IGSF3: variants seen among roughly 807,000 people sequenced by gnomAD.
The protein encoded by IGSF3 is immunoglobulin superfamily member 3.
Under a neutral mutation model 114.4 loss-of-function variants are expected in IGSF3, and 23 were observed. That is an observed-to-expected ratio of 0.20 (90% CI 0.14 to 0.28). The LOEUF (loss-of-function observed/expected upper bound fraction) is 0.28, where lower values mean the gene tolerates loss of function less well. Among genes scored for constraint, IGSF3 ranks in the 10% least tolerant of loss-of-function variants. The pLI is 1.00. For synonymous variants in IGSF3, 571 were observed against 645.2 expected, an observed-to-expected ratio of 0.88 and a Z score of 1.74; for missense variants, 1,172 against 1,591.5, an observed-to-expected ratio of 0.74 and a Z score of 4.48.
intron 2 of IGSF3, among the ~76,000 whole-genome samples, chr1:116,631,136 G>C (rs1647555282): frequency 6.6e-6 from 1 of 151,834 alleles, no homozygotes; most frequent in Non-Finnish European, 1.5e-5. Flanking sequence ...GGCTAACACA[G>C]TGAAACCCCG....
In IGSF3 at chr1:116,579,773, G is replaced by A. The variant is rs374372632; in HGVS notation, c.2953C>T (p.Arg985Cys). ...AGGGAATACCAGGCCACAGCGAAGC[G>A]GGAGTCCTGGCTGGAGCGGGACACG... ...SIVSRSSQDS[R>C]FAVAWYSLRT... is the part of the protein sequence containing the mutation. Residue 985 changes from arginine (R) to cysteine (C), a missense_variant, in exon 10 of 11, where the codon CGC becomes TGC. Coordinates refer to ENST00000369486, the MANE Select transcript of IGSF3 (RefSeq NM_001007237.3). This position sits in a 1 kb window ranked among gnomAD's most constrained non-coding sequence, Gnocchi z 6.4. 49 of 1,613,882 alleles carry A rather than the reference G, an allele frequency of 3.0e-5. No individual in the cohort carries two copies. Among genetic ancestry groups the A allele is most frequent in the South Asian group, 2.9e-4 (26 of 91,080 alleles).
chr1:116,645,217 C>A (rs889634754), intron 2 of IGSF3, among the ~76,000 whole-genome samples: 4 of 152,252 alleles, frequency 2.6e-5, no homozygotes, highest in African/African-American at 9.6e-5. Context: ...ATGGAGGGAT[C>A]TCAAAAGCAC....
At chr1:116,609,058 CT>C (rs1221052656) in intron 4 of IGSF3, among the ~76,000 whole-genome samples, 1 of 151,792 alleles carries the variant, frequency 6.6e-6, no homozygotes, top group Non-Finnish European at 1.5e-5. Flanking sequence ...AAAGTACCTA[CT>C]TTAGTGGGAA....
In IGSF3 at chr1:116,633,270, A is replaced by C. The variant is rs1647676047; in HGVS notation, c.44-16813T>G. On this transcript the variant is annotated intron_variant, in intron 2 of 10. Coordinates refer to ENST00000369486, the MANE Select transcript of IGSF3 (RefSeq NM_001007237.3). This position sits in a 1 kb window ranked among gnomAD's most constrained non-coding sequence, Gnocchi z 4.3. ...GCACTTCCCACCTCCTGCTCTGGGA[A>C]ATCAGATCTCAGTAGGTCATCAACC... is the stretch of plus-strand genomic sequence containing the variant. Among the ~76,000 whole-genome samples the C allele has an allele frequency of 2.0e-5, 3 of 152,310 alleles. No individual in the cohort carries two copies. The South Asian group carries it at 6.2e-4, about 32-fold the overall frequency.
Position 116,656,293 on chromosome 1 carries a change from CTTTTTTTT to C in IGSF3, c.43+9983_43+9990del, listed in dbSNP as rs56148691. On this transcript the variant is annotated intron_variant, in intron 2 of 10. Coordinates refer to ENST00000369486, the MANE Select transcript of IGSF3 (RefSeq NM_001007237.3). ...ACTTTCACATTTTACTTTCTACATT[CTTTTTTTT>C]TTTTTTTTTTTTTTTTTTTGACGGA... Among the ~76,000 whole-genome samples, 28 of 62,478 alleles carry C rather than the reference CTTTTTTTT, an allele frequency of 4.5e-4. No homozygotes were observed. In the South Asian group the frequency reaches 0.012, roughly 26 times the overall value. The allele number at this position is 62,478 out of a possible 152,430, so 41.0% of individuals were successfully genotyped here.
At chr1:116,639,739 G>T (rs1396349526) in intron 2 of IGSF3, among the ~76,000 whole-genome samples, 2 of 152,178 alleles carry the variant, frequency 1.3e-5, no homozygotes, top group African/African-American at 4.8e-5. Flanking sequence ...TTAAGTTAAA[G>T]GAGCTCCATG....
chr1:116,667,426 C>A (rs1386666569), intron 1 of IGSF3, among the ~76,000 whole-genome samples, 192 bp downstream of exon 1: 2 of 152,260 alleles, frequency 1.3e-5, no homozygotes, highest in East Asian at 1.9e-4. Context: ...GAGTCCGGAG[C>A]TCCGCTTTCA....
chr1:116,592,537 T>G lies in IGSF3; in HGVS notation c.2030-3433A>C, dbSNP rs558906948. ...GTATGGTAGGAGAGGCTGTTGTGTT[T>G]GTTACAGGCCAGGATAGGGTGGTTT... On this transcript the variant is annotated intron_variant, in intron 7 of 10. Coordinates refer to ENST00000369486, the MANE Select transcript of IGSF3 (RefSeq NM_001007237.3). The surrounding 1 kb of genome is among the most constrained non-coding windows in gnomAD (Gnocchi z 4.5). Among the ~76,000 whole-genome samples, 29 of 152,302 alleles carry G rather than the reference T, an allele frequency of 1.9e-4. 1 individual carries two copies. The East Asian group carries it at 4.3e-3, about 22-fold the overall frequency.
rs1647676047 is a variant in IGSF3 at position 116,633,270 on chromosome 1, A to G, written c.44-16813T>C. ...GCACTTCCCACCTCCTGCTCTGGGA[A>G]ATCAGATCTCAGTAGGTCATCAACC... On this transcript the variant is annotated intron_variant, in intron 2 of 10. Transcript: ENST00000369486. This position sits in a 1 kb window ranked among gnomAD's most constrained non-coding sequence, Gnocchi z 4.3. 6.6e-6 allele frequency among the ~76,000 whole-genome samples: 1 copy of G among 152,192 alleles called. No individual in the cohort carries two copies. Among genetic ancestry groups the G allele is most frequent in the Non-Finnish European group, 1.5e-5 (1 of 68,030 alleles).
At chr1:116,580,423 T>C (rs933872200) in intron 9 of IGSF3, among the ~76,000 whole-genome samples, 1 of 152,196 alleles carries the variant, frequency 6.6e-6, no homozygotes, top group African/African-American at 2.4e-5. Context: ...GCTGAATTCA[T>C]AACCCACGAT....
rs1340182735 is a variant in IGSF3, at chr1:116,613,767, G to C, written c.830C>G (p.Thr277Ser). Reference protein sequence around the residue: ...SEGAVVNVQPTDKEFTVRLET... With the variant: ...SEGAVVNVQPSDKEFTVRLET... ...ACAAGAGGCTCAGAGGGACTGACCA[G>C]TTGGCTGGACGTTGACCACGGCTCC... Residue 277 changes from threonine to serine, a missense_variant and splice_region_variant, in exon 4 of 11, where the codon ACT (threonine) becomes AGT (serine). By Grantham distance (58) the Thr-to-Ser change is moderately conservative (BLOSUM62 1). Transcript: ENST00000369486. 2.5e-6 allele frequency: 4 copies of C among 1,613,008 alleles called. No individual in the cohort carries two copies. In the South Asian group the frequency reaches 4.4e-5, roughly 18 times the overall value.
intron 4 of IGSF3, among the ~76,000 whole-genome samples, chr1:116,613,003 T>A (rs991671571): frequency 2.0e-5 from 3 of 152,268 alleles, no homozygotes; most frequent in African/African-American, 7.2e-5. Context: ...TCTAAAGACA[T>A]CATGCAACCT....
At chr1:116,601,403 C>T (rs1660582508) in intron 6 of IGSF3, among the ~76,000 whole-genome samples, 1 of 152,174 alleles carries the variant, frequency 6.6e-6, no homozygotes, top group African/African-American at 2.4e-5. Flanking sequence ...TGATACTTCC[C>T]AGCTGAGTGA....
chr1:116,666,883 C>G lies in IGSF3; in HGVS notation c.-557G>C. 4.9e-6 allele frequency: 2 copies of G among 406,672 alleles called. No homozygotes were observed. The highest frequency in any genetic ancestry group is 8.1e-5 in the Admixed American group (2 of 24,572). 25.2% of individuals were successfully genotyped at this position (406,672 alleles called of 1,614,324 possible). ...TAGGTCACGGAGGCGCCACCTGCCC[C>G]ACGCCTGCCTAGGGCACACGAAGCA... On this transcript the variant is annotated 5_prime_UTR_variant, in exon 2 of 11. Transcript: ENST00000369486.
intron 2 of IGSF3, among the ~76,000 whole-genome samples, chr1:116,658,580 G>A (rs765394534): frequency 1.3e-5 from 2 of 152,026 alleles, no homozygotes; most frequent in Non-Finnish European, 2.9e-5. Flanking sequence ...ACACCCTTAG[G>A]GTTCCCATCC....
chr1:116,663,132 C>A (rs1223698169), intron 2 of IGSF3, among the ~76,000 whole-genome samples: 1 of 152,234 alleles, frequency 6.6e-6, no homozygotes, highest in African/African-American at 2.4e-5. Context: ...TTTGCAACAT[C>A]AGCACTGGTC....
At chr1:116,653,594 C>A (rs1000742625) in intron 2 of IGSF3, among the ~76,000 whole-genome samples, 1 of 152,202 alleles carries the variant, frequency 6.6e-6, no homozygotes, top group African/African-American at 2.4e-5. Context: ...GCATCAGAGT[C>A]TCTTTCTCAT....
At chr1:116,653,594 C>T (rs1000742625) in intron 2 of IGSF3, among the ~76,000 whole-genome samples, 3 of 152,202 alleles carry the variant, frequency 2.0e-5, no homozygotes, top group African/African-American at 4.8e-5. Flanking sequence ...GCATCAGAGT[C>T]TCTTTCTCAT....
chr1:116,654,593 A>G lies in IGSF3; in HGVS notation c.43+11691T>C, dbSNP rs144686918. On this transcript the variant is annotated intron_variant, in intron 2 of 10. Transcript: ENST00000369486. The surrounding 1 kb of genome is among the most constrained non-coding windows in gnomAD (Gnocchi z 4.4). ...GAGGCCACACTGCAGGAGGCAAAGT[A>G]TGAGGTGGGGAAGATGGATTGGCCT... is the stretch of plus-strand genomic sequence containing the variant. Among the ~76,000 whole-genome samples the G allele has an allele frequency of 0.027, 4,035 of 152,248 alleles. 77 individuals are homozygous for G. The highest frequency in any genetic ancestry group is 0.041 in the Middle Eastern group (12 of 292).
Sources: gnomAD v4.1 joint callset for allele counts (sites outside exome capture counted in the v4.1 genomes callset) on GRCh38, gnomAD v4.1.1 for gene constraint, Gnocchi (gnomAD v3.1) non-coding constraint, MANE v1.5 for transcripts, NCBI Gene and HGNC (gene_info 2026-07-23, HGNC 2026-07-21) for gene names.